EEA1: variants seen among roughly 807,000 people sequenced by gnomAD.
EEA1 encodes early endosome antigen 1, also known as early endosome antigen 1, 162kD.
EEA1 carries 111 observed loss-of-function variants against 209.2 expected under a neutral mutation model. The observed-to-expected ratio is 0.53, with a 90% CI of 0.45 to 0.62. The LOEUF (loss-of-function observed/expected upper bound fraction) is 0.62, where lower values mean the gene tolerates loss of function less well. Ranked by LOEUF, EEA1 falls within the 20% of genes least tolerant of loss-of-function variation. The pLI, the probability that EEA1 is intolerant of heterozygous loss-of-function variation, is 0.00. For missense variants in EEA1, 1,343 were observed against 1,530.8 expected, an observed-to-expected ratio of 0.88 and a Z score of 2.05; for synonymous variants, 536 against 540.6, an observed-to-expected ratio of 0.99 and a Z score of 0.12.
Position 92,787,985 on chromosome 12 carries a change from T to C in EEA1, c.3032A>G (p.Lys1011Arg). Residue 1011 changes from lysine (K) to arginine (R), a missense_variant, in exon 22 of 29, where the codon AAA (lysine) becomes AGA (arginine). Coordinates refer to ENST00000322349, the MANE Select transcript of EEA1 (RefSeq NM_003566.4). The stretch of plus-strand genomic sequence containing the variant: ...GTTTTGTAATACTGATATTTTCTCT[T>C]TCTCTGCTGCAAGTTCCTGGGCTGC... ...TQAAQELAAEKEKISVLQNNY... is the reference protein window; with the variant it reads ...TQAAQELAAEREKISVLQNNY... The C allele has an allele frequency of 6.2e-7, 1 of 1,613,132 alleles. No individual in the cohort carries two copies. Among genetic ancestry groups the C allele is most frequent in the South Asian group, 1.1e-5 (1 of 90,964 alleles).
intron 11 of EEA1, among the ~76,000 whole-genome samples, chr12:92,832,164 G>A (rs1876682240): frequency 6.6e-6 from 1 of 150,742 alleles, no homozygotes; most frequent in Admixed American, 6.6e-5. Context: ...TTAAAATTTA[G>A]TAACAAAAAA....
intron 2 of EEA1, among the ~76,000 whole-genome samples, chr12:92,887,857 A>G (rs1205767544): frequency 3.9e-5 from 6 of 152,250 alleles, no homozygotes; most frequent in South Asian, 2.1e-4. Flanking sequence ...AATTGAGGCA[A>G]TAGTCAAAGA....
At position 92,771,700 on chromosome 12, in the gene EEA1, T is replaced by C. The variant is rs1873437866; in HGVS notation, c.*4311A>G. The C allele has an allele frequency of 6.6e-6, 1 of 151,986 alleles. No homozygotes were observed. 9.4% of individuals were successfully genotyped at this position (151,986 alleles called of 1,614,324 possible). ...GAAATTTCTGGTTAAAAAAAATTTT[T>C]ACATTAACAATCATCTTGCAAATGT... On this transcript the variant is annotated 3_prime_UTR_variant, in exon 29 of 29. Transcript: ENST00000322349.
chr12:92,915,179 A>G (rs1055902707), intron 1 of EEA1, among the ~76,000 whole-genome samples: 20 of 152,152 alleles, frequency 1.3e-4, no homozygotes, highest in African/African-American at 4.6e-4. Context: ...TCAAAATTTA[A>G]AAGCTGTCCA....
At chr12:92,810,765 T>G (rs752874845) in intron 17 of EEA1, among the ~76,000 whole-genome samples, 72 of 152,194 alleles carry the variant, frequency 4.7e-4, no homozygotes, top group Non-Finnish European at 8.8e-4. Context: ...TCATCTTATC[T>G]CTTCAGTAAA....
intron 21 of EEA1, among the ~76,000 whole-genome samples, chr12:92,793,730 C>A (rs1478584211): frequency 3.3e-5 from 5 of 152,040 alleles, no homozygotes; most frequent in Non-Finnish European, 7.4e-5. Context: ...AGATTCAATG[C>A]CATCACCATC....
intron 22 of EEA1, among the ~76,000 whole-genome samples, chr12:92,787,175 GGAAA>G (rs1348803934): frequency 6.6e-6 from 1 of 151,850 alleles, no homozygotes; most frequent in Non-Finnish European, 1.5e-5. Flanking sequence ...CCCAAACATA[GGAAA>G]GAAACAGATA....
At chr12:92,859,892 TGA>T (rs936833097) in intron 3 of EEA1, among the ~76,000 whole-genome samples, 10 of 152,222 alleles carry the variant, frequency 6.6e-5, no homozygotes, top group African/African-American at 2.4e-4. Context: ...TTTCTAATTA[TGA>T]GCTCTTTGTC....
chr12:92,826,393 G>T, intron 12 of EEA1, 108 bp from the exon 13 acceptor site: 1 of 1,005,160 alleles, frequency 9.9e-7, no homozygotes, highest in Non-Finnish European at 1.4e-6. Context: ...AAAAAATTCA[G>T]GAATATATAA....
intron 1 of EEA1, among the ~76,000 whole-genome samples, chr12:92,909,216 C>A (rs566209112): frequency 1.3e-5 from 2 of 152,312 alleles, no homozygotes; most frequent in South Asian, 4.1e-4. Flanking sequence ...CCATCACTCC[C>A]CACTCAAAGG....
Position 92,842,444 on chromosome 12 carries a change from A to G in EEA1, c.915+21T>C. 3.5e-6 allele frequency: 4 copies of G among 1,158,758 alleles called. 1 individual carries two copies. Among genetic ancestry groups the G allele is most frequent in the South Asian group, 2.6e-5 (2 of 75,950 alleles). 71.8% of individuals were successfully genotyped at this position (1,158,758 alleles called of 1,614,324 possible). On this transcript the variant is annotated intron_variant, in intron 10 of 28. Coordinates refer to ENST00000322349, the MANE Select transcript of EEA1 (RefSeq NM_003566.4). ...ATACATAAAATCAATTTGCTATTAT[A>G]TATAGCTTTAAAATTCTCACCTGAT...
At chr12:92,880,056 A>G (rs1022579925) in intron 2 of EEA1, among the ~76,000 whole-genome samples, 2 of 152,202 alleles carry the variant, frequency 1.3e-5, no homozygotes, top group Non-Finnish European at 2.9e-5. Context: ...TTTGTTCCCA[A>G]ATGTAATCTA....
intron 20 of EEA1, among the ~76,000 whole-genome samples, chr12:92,801,210 G>A (rs1461519563): frequency 6.6e-6 from 1 of 151,902 alleles, no homozygotes; most frequent in East Asian, 1.9e-4. Context: ...AAGAGTCCAT[G>A]AAATAAAGGT....
At chr12:92,837,555 T>C (rs1876984923) in intron 10 of EEA1, among the ~76,000 whole-genome samples, 1 of 152,336 alleles carries the variant, frequency 6.6e-6, no homozygotes, top group South Asian at 2.1e-4. Context: ...TATTATATTG[T>C]AGTGACTGTA....
chr12:92,780,244 A>G lies in EEA1; in HGVS notation c.3468+36T>C, dbSNP rs753905387. 3.2e-6 allele frequency: 5 copies of G among 1,575,178 alleles called. No homozygotes were observed. In the South Asian group the frequency reaches 4.8e-5, roughly 15 times the overall value. On this transcript the variant is annotated intron_variant, in intron 24 of 28. Coordinates refer to ENST00000322349, the MANE Select transcript of EEA1 (RefSeq NM_003566.4). ...ATATATTTCTTTAAAGAGCAATATA[A>G]CACAGAAGGCAGGAGAAATGATTAT...
intron 11 of EEA1, among the ~76,000 whole-genome samples, chr12:92,831,353 T>G (rs915027535): frequency 2.0e-5 from 3 of 151,370 alleles, no homozygotes; most frequent in Non-Finnish European, 4.4e-5. Context: ...TGCATTAAAC[T>G]TCATCTGATA....
At chr12:92,776,780 A>T in intron 28 of EEA1, 64 bp downstream of exon 28, 1 of 1,451,922 alleles carries the variant, frequency 6.9e-7, no homozygotes. Flanking sequence ...TTTGATGGTT[A>T]AAACATTAAT....
intron 2 of EEA1, among the ~76,000 whole-genome samples, chr12:92,870,464 G>A (rs1226910733): frequency 1.3e-5 from 2 of 152,016 alleles, no homozygotes; most frequent in Non-Finnish European, 2.9e-5. Flanking sequence ...CCTTTGTTAC[G>A]TGCAGCCTCA....
At chr12:92,926,681 A>C (rs1054763456) in intron 1 of EEA1, among the ~76,000 whole-genome samples, 3 of 152,208 alleles carry the variant, frequency 2.0e-5, no homozygotes, top group Non-Finnish European at 4.4e-5. Flanking sequence ...TAATTGCTAC[A>C]GACCATCTCA....
Sources: allele counts gnomAD v4.1 joint callset (sites outside exome capture counted in the v4.1 genomes callset), GRCh38; gene constraint gnomAD v4.1.1; transcripts MANE v1.5; gene names NCBI Gene and HGNC (gene_info 2026-07-23, HGNC 2026-07-21).